Variants in PIAS2 observed in about 807,000 individuals in gnomAD.
PIAS2 encodes the protein protein inhibitor of activated STAT 2.
PIAS2 carries 19 observed loss-of-function variants against 69.7 expected under a neutral mutation model. The ratio of observed to expected loss-of-function variants is 0.27; its 90% CI spans 0.19 to 0.40. The LOEUF is 0.40. Ranked by LOEUF, PIAS2 falls within the 10% of genes least tolerant of loss-of-function variation. The probability of loss-of-function intolerance (pLI) is 1.00; values close to 1 mark genes in which losing one functional copy is unlikely to be tolerated. For missense variants in PIAS2, 624 were observed against 757.0 expected, an observed-to-expected ratio of 0.82 and a Z score of 2.06; for synonymous variants, 261 against 263.2, an observed-to-expected ratio of 0.99 and a Z score of 0.08.
rs578078222 is a variant in PIAS2, at chr18:46,804,557, T to C, written c.*7876A>G. 1 of 152,360 alleles carries C rather than the reference T, an allele frequency of 6.6e-6. No individual in the cohort carries two copies. The highest frequency in any genetic ancestry group is 2.1e-4 in the South Asian group (1 of 4,828). The allele number at this position is 152,360 out of a possible 1,614,324, so 9.4% of individuals were successfully genotyped here. On this transcript the variant is annotated 3_prime_UTR_variant, in exon 14 of 14. Coordinates refer to ENST00000585916, the MANE Select transcript of PIAS2 (RefSeq NM_004671.5). Reference sequence around the variant, plus strand: ...GTTTTACAAGGCCCTTCACGATCTATCTATGCATATTTCTCAATATTCCTT... The same window carrying C: ...GTTTTACAAGGCCCTTCACGATCTACCTATGCATATTTCTCAATATTCCTT...
chr18:46,816,340 T>C (rs1446142101), intron 12 of PIAS2: 7 of 960,996 alleles, frequency 7.3e-6, no homozygotes, highest in Non-Finnish European at 8.7e-6. Flanking sequence ...TTTAAGTATA[T>C]TTATTCTCTT....
At chr18:46,898,175 A>T (rs1235496430) in intron 1 of PIAS2, among the ~76,000 whole-genome samples, 6 of 150,752 alleles carry the variant, frequency 4.0e-5, no homozygotes, top group African/African-American at 1.2e-4. Flanking sequence ...TTTTTTTTTG[A>T]GAGAGAGAAT....
At chr18:46,875,472 G>T (rs368325377) in intron 2 of PIAS2, among the ~76,000 whole-genome samples, 1 of 152,116 alleles carries the variant, frequency 6.6e-6, no homozygotes, top group Admixed American at 6.5e-5. Flanking sequence ...CTCCATATTC[G>T]AATGGTATGG....
intron 1 of PIAS2, chr18:46,891,698 A>G: frequency 2.1e-6 from 2 of 942,914 alleles, no homozygotes; most frequent in Non-Finnish European, 2.5e-6. Context: ...TGGGTATCCA[A>G]ATGAGAAAAA....
Position 46,834,278 on chromosome 18 carries a change from TA to T in PIAS2, c.1202+2078del, listed in dbSNP as rs879453803. ...TCAAAAAGGAAAAGACAAGACTTGATAAAAAAAAATGTAAACCTTCTGAATG... is the reference window on the plus strand; with the variant it reads ...TCAAAAAGGAAAAGACAAGACTTGATAAAAAAAATGTAAACCTTCTGAATG... On this transcript the variant is annotated intron_variant, in intron 9 of 13. Coordinates refer to ENST00000585916, the MANE Select transcript of PIAS2 (RefSeq NM_004671.5). 5.8e-4 allele frequency among the ~76,000 whole-genome samples: 88 copies of T among 150,994 alleles called. 1 individual carries two copies. The highest frequency in any genetic ancestry group is 5.3e-3 in the Admixed American group (81 of 15,156).
At chr18:46,844,693 T>C (rs568987032) in intron 7 of PIAS2, 41 bp downstream of exon 7, 58 of 768,046 alleles carry the variant, frequency 7.6e-5, no homozygotes, top group South Asian at 6.5e-4. Flanking sequence ...TCAATCTTTT[T>C]TTTTTTTTTT....
chr18:46,882,613 T>C (rs749856149), intron 2 of PIAS2, among the ~76,000 whole-genome samples: 4 of 152,210 alleles, frequency 2.6e-5, no homozygotes, highest in Admixed American at 1.3e-4. Context: ...ACTGCAAGAA[T>C]AGTGCCTGAT....
chr18:46,864,258 A>G lies in PIAS2; in HGVS notation c.500-10T>C. 1 of 1,486,274 alleles carries G rather than the reference A, an allele frequency of 6.7e-7. No individual in the cohort carries two copies. Among genetic ancestry groups the G allele is most frequent in the Non-Finnish European group, 9.1e-7 (1 of 1,098,546 alleles). The allele number at this position is 1,486,274 out of a possible 1,614,324, so 92.1% of individuals were successfully genotyped here. A position where few individuals can be genotyped will look rare whatever the true frequency, so the allele number is the denominator to read the frequency against. ...TGAATACTGCTTTGAACTGGGAAGA[A>G]AAAAAAAAAGAAAGATAATATTTCA... On this transcript the variant is annotated splice_polypyrimidine_tract_variant and intron_variant, in intron 2 of 13. Transcript: ENST00000585916.
At chr18:46,864,299 C>G in intron 2 of PIAS2, 51 bp from the exon 3 acceptor site, 1 of 1,193,070 alleles carries the variant, frequency 8.4e-7, no homozygotes, top group Non-Finnish European at 1.2e-6. Flanking sequence ...AAATCCAACA[C>G]TACAACCACC....
chr18:46,839,199 T>C (rs2044923148), intron 8 of PIAS2, among the ~76,000 whole-genome samples: 1 of 152,106 alleles, frequency 6.6e-6, no homozygotes, highest in Non-Finnish European at 1.5e-5. Flanking sequence ...TATTATTAAA[T>C]TACACTATAC....
Position 46,836,426 on chromosome 18 carries a change from T to G in PIAS2, c.1133A>C (p.Glu378Ala). The G allele has an allele frequency of 1.9e-6, 3 of 1,614,076 alleles. No homozygotes were observed. Among genetic ancestry groups the G allele is most frequent in the Non-Finnish European group, 2.5e-6 (3 of 1,179,936 alleles). The change falls in exon 9 of 14, where the codon GAG becomes GCG. Residue 378 changes from glutamate (E) to alanine (A), a missense_variant. Glu to Ala is a moderately radical substitution (Grantham distance 107). Coordinates refer to ENST00000585916, the MANE Select transcript of PIAS2 (RefSeq NM_004671.5). Reference sequence around the variant, plus strand: ...AGGACAAATCCAGGTGGGCTTTTTCTCATTCATTTGTAGATAGAGGGCAGC... The same window carrying G: ...AGGACAAATCCAGGTGGGCTTTTTCGCATTCATTTGTAGATAGAGGGCAGC... ...FDAALYLQMN[E>A]KKPTWICPVC...
Position 46,844,104 on chromosome 18 carries a change from G to C in PIAS2, c.991C>G (p.Pro331Ala). The C allele has an allele frequency of 1.3e-6, 2 of 1,508,418 alleles. No homozygotes were observed. The highest frequency in any genetic ancestry group is 8.9e-7 in the Non-Finnish European group (1 of 1,127,498). The allele number at this position is 1,508,418 out of a possible 1,614,324, so 93.4% of individuals were successfully genotyped here. ...ALIKEKLTAD[P>A]DSEIATTSLR... is the part of the protein sequence containing the mutation. Reference sequence around the variant, plus strand: ...CTAGTTGTAGCAATTTCACTATCAGGATCTGCAGTAAGTTTTTCTTTAACT... The same window carrying C: ...CTAGTTGTAGCAATTTCACTATCAGCATCTGCAGTAAGTTTTTCTTTAACT... The change falls in exon 8 of 14, where the codon CCT (proline) becomes GCT (alanine). Residue 331 changes from proline (P) to alanine (A), a missense_variant. By Grantham distance (27) the Pro-to-Ala change is conservative. Around this residue, in one of 3 missense-constraint regions of PIAS2, gnomAD observed 339 missense variants for 408.8 expected, o/e 0.83. Coordinates refer to ENST00000585916, the MANE Select transcript of PIAS2 (RefSeq NM_004671.5).
chr18:46,838,028 T>C (rs919482751), intron 8 of PIAS2, among the ~76,000 whole-genome samples: 4 of 152,206 alleles, frequency 2.6e-5, no homozygotes, highest in Non-Finnish European at 5.9e-5. Flanking sequence ...CCTATTTTTA[T>C]GCTATAAAGT....
At chr18:46,912,170 C>A (rs2057341665) in intron 1 of PIAS2, among the ~76,000 whole-genome samples, 1 of 152,078 alleles carries the variant, frequency 6.6e-6, no homozygotes, top group East Asian at 1.9e-4. Context: ...TTCTGAAAGA[C>A]CAGGAAGTGA....
intron 12 of PIAS2, chr18:46,816,154 T>C: frequency 2.0e-6 from 2 of 985,224 alleles, no homozygotes; most frequent in African/African-American, 1.7e-5. Flanking sequence ...CCATAGGTCA[T>C]TAAGACAGGC....
intron 2 of PIAS2, among the ~76,000 whole-genome samples, chr18:46,879,589 T>G (rs1056907439): frequency 4.6e-5 from 7 of 152,172 alleles, no homozygotes; most frequent in Non-Finnish European, 1.0e-4. Context: ...AAACAGAATC[T>G]TGAAGAGATG....
intron 2 of PIAS2, among the ~76,000 whole-genome samples, chr18:46,867,891 T>G (rs2049736898): frequency 1.3e-5 from 2 of 152,216 alleles, no homozygotes; most frequent in Admixed American, 1.3e-4. Context: ...CACACACATC[T>G]TCCTTGCTCT....
intron 1 of PIAS2, chr18:46,906,235 T>C (rs2056578906): frequency 6.6e-6 from 1 of 152,094 alleles, no homozygotes; most frequent in African/African-American, 2.4e-5. Context: ...ACTGTGAAAC[T>C]TTGAAAGCAT....
chr18:46,897,992 C>T (rs1440714227), intron 1 of PIAS2, among the ~76,000 whole-genome samples: 1 of 150,334 alleles, frequency 6.7e-6, no homozygotes, highest in African/African-American at 2.4e-5. Context: ...CCACCTCGGC[C>T]TCCAGAGTAG....
Sources: allele counts gnomAD v4.1 joint callset (sites outside exome capture counted in the v4.1 genomes callset), GRCh38; gene constraint gnomAD v4.1.1; regional missense constraint gnomAD v4.1.1; transcripts MANE v1.5; gene names NCBI Gene and HGNC (gene_info 2026-07-23, HGNC 2026-07-21).